The following MLLT3 variants were observed in gnomAD, a reference collection of about 807,000 sequenced individuals.
MLLT3 encodes the protein protein AF-9.
A neutral mutation model predicts 53.2 loss-of-function variants in MLLT3; 4 were observed. The ratio of observed to expected loss-of-function variants is 0.08; its 90% CI spans 0.04 to 0.17. MLLT3 has a LOEUF of 0.17. Among genes scored for constraint, MLLT3 ranks in the 10% least tolerant of loss-of-function variants. MLLT3 has a pLI of 1.00. For synonymous variants in MLLT3, 283 were observed against 230.6 expected (o/e 1.23, Z -2.06); for missense variants, 569 against 684.0 (o/e 0.83, Z 1.87).
chr9:20,586,613 G>A (rs12006034), intron 2 of MLLT3, among the ~76,000 whole-genome samples: 4,685 of 151,922 alleles, frequency 0.031, 180 homozygotes, highest in East Asian at 0.14. Context: ...ATACCATGGA[G>A]GCAAATTATT....
chr9:20,466,043 CA>C (rs1428361147), intron 2 of MLLT3, among the ~76,000 whole-genome samples: 1 of 152,020 alleles, frequency 6.6e-6, no homozygotes, highest in African/African-American at 2.4e-5. Flanking sequence ...AGTGATTCTA[CA>C]AAAAGGGTAT....
chr9:20,409,679 T>C (rs1312787711), intron 5 of MLLT3, among the ~76,000 whole-genome samples: 1 of 152,204 alleles, frequency 6.6e-6, no homozygotes, highest in Non-Finnish European at 1.5e-5. Flanking sequence ...TTTCTGTATT[T>C]GCTAAATGCT....
chr9:20,554,426 T>C (rs1819003571), intron 2 of MLLT3, among the ~76,000 whole-genome samples: 1 of 152,188 alleles, frequency 6.6e-6, no homozygotes, highest in Non-Finnish European at 1.5e-5. Context: ...CAAGCTCCTG[T>C]CCCTACTTAA....
At chr9:20,400,788 G>A (rs1204744441) in intron 5 of MLLT3, among the ~76,000 whole-genome samples, 2 of 151,970 alleles carry the variant, frequency 1.3e-5, no homozygotes, top group East Asian at 1.9e-4. Context: ...TACAAGTGCT[G>A]CAGTTTTGAA....
intron 2 of MLLT3, among the ~76,000 whole-genome samples, chr9:20,559,361 G>C (rs990659897): frequency 1.3e-5 from 2 of 152,142 alleles, no homozygotes; most frequent in Non-Finnish European, 2.9e-5. Flanking sequence ...TTTGTTAACT[G>C]GTTAAAGTAA....
chr9:20,358,378 A>C (rs1821226553), intron 8 of MLLT3, among the ~76,000 whole-genome samples: 1 of 152,216 alleles, frequency 6.6e-6, no homozygotes, highest in African/African-American at 2.4e-5. Context: ...AGAAAGTGAC[A>C]CATAATACAG....
chr9:20,527,446 C>A (rs768772682), intron 2 of MLLT3, among the ~76,000 whole-genome samples: 1 of 152,150 alleles, frequency 6.6e-6, no homozygotes, highest in Non-Finnish European at 1.5e-5. Context: ...GAGTTTTGAA[C>A]AGACCTTACT....
At chr9:20,482,542 G>C (rs767140804) in intron 2 of MLLT3, among the ~76,000 whole-genome samples, 16 of 152,038 alleles carry the variant, frequency 1.1e-4, no homozygotes, top group Non-Finnish European at 1.8e-4. Flanking sequence ...CTTTAAACTA[G>C]ATTTTCAATT....
At chr9:20,492,661 T>C (rs961734664) in intron 2 of MLLT3, among the ~76,000 whole-genome samples, 1 of 151,868 alleles carries the variant, frequency 6.6e-6, no homozygotes, top group African/African-American at 2.4e-5. Context: ...GAGCACAAAA[T>C]AGTTACTCAA....
Position 20,549,202 on chromosome 9 carries a change from C to A in MLLT3, c.193+71452G>T, listed in dbSNP as rs1229782942. The stretch of plus-strand genomic sequence containing the variant: ...TTGACAAGGCACAGGCCACTCAAAT[C>A]ACTGATTAAATTATAAGATTCCTTG... On this transcript the variant is annotated intron_variant, in intron 2 of 10. Transcript: ENST00000380338. Among the ~76,000 whole-genome samples the A allele has an allele frequency of 2.0e-5, 3 of 152,156 alleles. No homozygotes were observed. The South Asian group carries it at 6.2e-4, about 32-fold the overall frequency.
intron 2 of MLLT3, among the ~76,000 whole-genome samples, chr9:20,477,581 A>T (rs1371491608): frequency 6.6e-6 from 1 of 151,990 alleles, no homozygotes; most frequent in African/African-American, 2.4e-5. Context: ...GAAAATTTTA[A>T]ATTAATAAAT....
At chr9:20,420,624 A>G (rs1397054496) in intron 4 of MLLT3, among the ~76,000 whole-genome samples, 1 of 152,224 alleles carries the variant, frequency 6.6e-6, no homozygotes, top group Non-Finnish European at 1.5e-5. Context: ...ATAAAACACA[A>G]TGAGTACAGA....
chr9:20,346,653 T>A, intron 10 of MLLT3, 79 bp from the exon 11 acceptor site: 1 of 1,356,360 alleles, frequency 7.4e-7, no homozygotes, highest in South Asian at 1.3e-5. Context: ...GGAGGGGCGA[T>A]CAAATATGGA....
At chr9:20,516,699 T>C (rs1199461393) in intron 2 of MLLT3, among the ~76,000 whole-genome samples, 1 of 152,212 alleles carries the variant, frequency 6.6e-6, no homozygotes, top group East Asian at 1.9e-4. Context: ...TCCTAACAAG[T>C]AGTTACAACA....
At position 20,442,876 on chromosome 9, in the gene MLLT3, C is replaced by G. The variant is rs1314473112; in HGVS notation, c.420+5247G>C. Among the ~76,000 whole-genome samples, 3 of 152,110 alleles carry G rather than the reference C, an allele frequency of 2.0e-5. No individual in the cohort carries two copies. In the East Asian group the frequency reaches 5.8e-4, roughly 29 times the overall value. On this transcript the variant is annotated intron_variant, in intron 4 of 10. Transcript: ENST00000380338. ...ATTTAATACAGACTGGAAGCATGTT[C>G]CCCATGTCTTCTCCAGCAAATCTTG...
intron 4 of MLLT3, among the ~76,000 whole-genome samples, chr9:20,415,903 TCAA>T (rs1822859901): frequency 6.6e-6 from 1 of 152,000 alleles, no homozygotes; most frequent in Non-Finnish European, 1.5e-5. Flanking sequence ...TCTCATTTGC[TCAA>T]CAACAAAATG....
chr9:20,374,262 T>C (rs1029919995), intron 5 of MLLT3, among the ~76,000 whole-genome samples: 3 of 152,098 alleles, frequency 2.0e-5, no homozygotes, highest in Non-Finnish European at 4.4e-5. Flanking sequence ...AGTGTCCCTG[T>C]AGTCCCAACT....
rs545744727 is a variant in MLLT3, at chr9:20,408,248, C to A, written c.1125+5473G>T. Among the ~76,000 whole-genome samples the A allele has an allele frequency of 2.6e-5, 4 of 151,056 alleles. No individual in the cohort carries two copies. In the East Asian group the frequency reaches 5.8e-4, roughly 22 times the overall value. On this transcript the variant is annotated intron_variant, in intron 5 of 10. Transcript: ENST00000380338. ...ACTGGCCCTAGTATGTACTGAAACA[C>A]GGAAACAAAAAGGCCTCCAACTGTT...
At chr9:20,615,874 GA>G (rs10579863) in intron 2 of MLLT3, among the ~76,000 whole-genome samples, 37,711 of 131,676 alleles carry the variant, frequency 0.29, 4,712 homozygotes, top group African/African-American at 0.35. Context: ...AAAGAGATTT[GA>G]AAAAAAAAAA....
Sources: allele counts gnomAD v4.1 joint callset (sites outside exome capture counted in the v4.1 genomes callset), GRCh38; gene constraint gnomAD v4.1.1; transcripts MANE v1.5; gene names NCBI Gene and HGNC (gene_info 2026-07-23, HGNC 2026-07-21).